The following NTPCR variants were observed in gnomAD, a reference collection of about 807,000 sequenced individuals.
NTPCR encodes the protein cancer-related nucleoside-triphosphatase.
A neutral mutation model predicts 19.5 loss-of-function variants in NTPCR; 15 were observed. The ratio of observed to expected loss-of-function variants is 0.77; its 90% CI spans 0.51 to 1.18. NTPCR has a LOEUF of 1.18. Among genes scored for constraint, NTPCR ranks in the 50% most tolerant of loss-of-function variants. The pLI is 0.00. For missense variants in NTPCR, 206 were observed against 240.4 expected, an observed-to-expected ratio of 0.86 and a Z score of 0.95; for synonymous variants, 90 against 95.8, an observed-to-expected ratio of 0.94 and a Z score of 0.36.
At chr1:232,963,262 A>T (rs913581828) in intron 3 of NTPCR, 2 of 152,152 alleles carry the variant, frequency 1.3e-5, no homozygotes, top group African/African-American at 4.8e-5. Context: ...CATGAGGTTG[A>T]CTCTGCAGTT....
At chr1:232,975,083 T>C (rs1480980788) in intron 4 of NTPCR, among the ~76,000 whole-genome samples, 1 of 152,230 alleles carries the variant, frequency 6.6e-6, no homozygotes. Context: ...ACATTGAAAA[T>C]GTTATCAACA....
At chr1:232,968,189 A>G (rs1668875011) in intron 3 of NTPCR, 1 of 152,148 alleles carries the variant, frequency 6.6e-6, no homozygotes, top group Admixed American at 6.5e-5. Context: ...GTGTACAGAT[A>G]AACTTAATAG....
chr1:232,954,069 C>T (rs1002786255), intron 1 of NTPCR, among the ~76,000 whole-genome samples: 12 of 152,182 alleles, frequency 7.9e-5, no homozygotes, highest in Admixed American at 5.2e-4. Flanking sequence ...CTGTGGCAGG[C>T]GCATTGAAAT....
chr1:232,950,791 GC>G, intron 1 of NTPCR, 47 bp downstream of exon 1: 1 of 1,396,588 alleles, frequency 7.2e-7, no homozygotes, highest in Non-Finnish European at 9.8e-7. Context: ...GGGGGTGGGG[GC>G]GCGCGGGCTG....
At position 232,976,451 on chromosome 1, in the gene NTPCR, C is replaced by CA. The variant is rs535765462; in HGVS notation, c.505-1711dup. 4.7e-4 allele frequency: 733 copies of CA among 1,550,612 alleles called. 1 individual carries two copies. The African/African-American group carries it at 8.8e-3, about 19-fold the overall frequency. On this transcript the variant is annotated intron_variant, in intron 4 of 4. Transcript: ENST00000366628. The stretch of plus-strand genomic sequence containing the variant: ...AAGCTACTGCAATCACTGCTGAACT[C>CA]AGAGTGGAAGAAAAGGGCCCCTGTG...
chr1:232,950,637 T>G lies in NTPCR; in HGVS notation c.-74T>G. On this transcript the variant is annotated 5_prime_UTR_variant, in exon 1 of 5. Coordinates refer to ENST00000366628, the MANE Select transcript of NTPCR (RefSeq NM_032324.3). ...GGCGGGTCCTGAGTCGCGACCCTGG[T>G]CCGGACCTGACCTGAATTGCGACCC... is the stretch of plus-strand genomic sequence containing the variant. 1 of 1,264,844 alleles carries G rather than the reference T, an allele frequency of 7.9e-7. No homozygotes were observed. Among genetic ancestry groups the G allele is most frequent in the Non-Finnish European group, 1.2e-6 (1 of 869,306 alleles). The allele number at this position is 1,264,844 out of a possible 1,614,324, so 78.4% of individuals were successfully genotyped here. A position where few individuals can be genotyped will look rare whatever the true frequency, so the allele number is the denominator to read the frequency against.
At chr1:232,969,848 C>A in intron 3 of NTPCR, 61 bp from the exon 4 acceptor site, 2 of 1,362,188 alleles carry the variant, frequency 1.5e-6, no homozygotes, top group Non-Finnish European at 2.1e-6. Context: ...GGGAGTGGGA[C>A]CCATGGGCCC....
Position 232,970,023 on chromosome 1 carries a change from G to C in NTPCR, c.409G>C (p.Gly137Arg). Residue 137 changes from glycine to arginine, a missense_variant, in exon 4 of 5, where the codon GGG becomes CGG. Gly to Arg is a moderately radical substitution (Grantham distance 125). Coordinates refer to ENST00000366628, the MANE Select transcript of NTPCR (RefSeq NM_032324.3). ...QAVRQTLSTP[G>R]TIILGTIPVP... Reference sequence around the variant, plus strand: ...TGTTCGTCAGACGCTGTCTACCCCAGGGACTATAATCCTTGGCACAATCCC... The same window carrying C: ...TGTTCGTCAGACGCTGTCTACCCCACGGACTATAATCCTTGGCACAATCCC... 6.2e-7 allele frequency: 1 copy of C among 1,613,926 alleles called. No homozygotes were observed. The highest frequency in any genetic ancestry group is 1.1e-5 in the South Asian group (1 of 91,082).
At chr1:232,963,812 C>T (rs927644491) in intron 3 of NTPCR, 28 of 147,458 alleles carry the variant, frequency 1.9e-4, no homozygotes, top group African/African-American at 7.0e-4. Context: ...TTATCATTTG[C>T]CTTGTTTGCT....
Position 232,979,915 on chromosome 1 carries a change from G to A in NTPCR, c.*1684G>A, listed in dbSNP as rs1454694996. 1.3e-5 allele frequency: 2 copies of A among 152,334 alleles called. No homozygotes were observed. The highest frequency in any genetic ancestry group is 2.9e-5 in the Non-Finnish European group (2 of 68,128). The allele number at this position is 152,334 out of a possible 1,614,324, so 9.4% of individuals were successfully genotyped here. On this transcript the variant is annotated 3_prime_UTR_variant, in exon 5 of 5. Coordinates refer to ENST00000366628, the MANE Select transcript of NTPCR (RefSeq NM_032324.3). The surrounding 1 kb of genome is among the most constrained non-coding windows in gnomAD (Gnocchi z 5.3). ...TCATCAATGTGCACCCAGGCGTGGT[G>A]GAGCTGGTCAGCCCCAGCTGGAGTG...
At chr1:232,957,614 T>C (rs1668549551) in intron 3 of NTPCR, among the ~76,000 whole-genome samples, 1 of 152,242 alleles carries the variant, frequency 6.6e-6, no homozygotes, top group Admixed American at 6.5e-5. Context: ...GATGATCTTT[T>C]CAAAGAACCA....
At position 232,957,448 on chromosome 1, in the gene NTPCR, A is replaced by T. The variant is rs959441312; in HGVS notation, c.294+1005A>T. Among the ~76,000 whole-genome samples, 11 of 152,234 alleles carry T rather than the reference A, an allele frequency of 7.2e-5. No homozygotes were observed. The East Asian group carries it at 2.1e-3, about 29-fold the overall frequency. ...TACCTTTTAGTAATTTGTCCATTTC[A>T]TCTGAAGTATCTAAGTTATTGGCAT... is the stretch of plus-strand genomic sequence containing the variant. On this transcript the variant is annotated intron_variant, in intron 3 of 4. Transcript: ENST00000366628.
In NTPCR at chr1:232,978,182, A is replaced by G; in HGVS notation, c.524A>G (p.Asn175Ser). Residue 175 changes from asparagine to serine, a missense_variant, in exon 5 of 5, where the codon AAC becomes AGC. Coordinates refer to ENST00000366628, the MANE Select transcript of NTPCR (RefSeq NM_032324.3). Reference protein sequence around the residue: ...KVFNVTKENRNHLLPDIVTCV... With the variant: ...KVFNVTKENRSHLLPDIVTCV... Reference sequence around the variant, plus strand: ...CCACAGGTCACCAAGGAAAACAGAAACCACCTTCTGCCAGATATCGTGACG... The same window carrying G: ...CCACAGGTCACCAAGGAAAACAGAAGCCACCTTCTGCCAGATATCGTGACG... 2 of 1,614,152 alleles carry G rather than the reference A, an allele frequency of 1.2e-6. No homozygotes were observed. Among genetic ancestry groups the G allele is most frequent in the Non-Finnish European group, 1.7e-6 (2 of 1,179,984 alleles).
chr1:232,958,008 T>G (rs1668560548), intron 3 of NTPCR, among the ~76,000 whole-genome samples: 1 of 152,064 alleles, frequency 6.6e-6, no homozygotes, highest in Non-Finnish European at 1.5e-5. Context: ...ACAGATACAT[T>G]CAGACCTCAG....
intron 3 of NTPCR, among the ~76,000 whole-genome samples, chr1:232,958,328 A>G (rs1422089236): frequency 6.6e-6 from 1 of 152,202 alleles, no homozygotes; most frequent in Non-Finnish European, 1.5e-5. Flanking sequence ...ACACTGGTTC[A>G]ATCAGACTTC....
At chr1:232,970,465 A>G (rs910274879) in intron 4 of NTPCR, among the ~76,000 whole-genome samples, 3 of 152,096 alleles carry the variant, frequency 2.0e-5, no homozygotes, top group Non-Finnish European at 4.4e-5. Flanking sequence ...CCAGGTTGGG[A>G]TACAGAGGCA....
chr1:232,956,447 A>C lies in NTPCR; in HGVS notation c.294+4A>C. 6.3e-7 allele frequency: 1 copy of C among 1,598,010 alleles called. No homozygotes were observed. On this transcript the variant is annotated splice_donor_region_variant and intron_variant, in intron 3 of 4. Transcript: ENST00000366628. ...GGCACTACCCGTCTTGAGGAATGTG[A>C]GTACGTGATTTCTGCTTTTTGAACC...
chr1:232,982,541 T>C lies in NTPCR; in HGVS notation c.*4310T>C, dbSNP rs1669310173. ...GAACTGTGATAAGCAATGAACAGAATAACTGTTGAAGAAGCACCTCATGAA... is the reference window on the plus strand; with the variant it reads ...GAACTGTGATAAGCAATGAACAGAACAACTGTTGAAGAAGCACCTCATGAA... On this transcript the variant is annotated 3_prime_UTR_variant, in exon 5 of 5. Transcript: ENST00000366628. 3 of 152,238 alleles carry C rather than the reference T, an allele frequency of 2.0e-5. No homozygotes were observed. The South Asian group carries it at 6.2e-4, about 32-fold the overall frequency. The allele number at this position is 152,238 out of a possible 1,614,324, so 9.4% of individuals were successfully genotyped here. A position where few individuals can be genotyped will look rare whatever the true frequency, so the allele number is the denominator to read the frequency against.
At chr1:232,953,321 C>T (rs912709958) in intron 1 of NTPCR, among the ~76,000 whole-genome samples, 13 of 152,132 alleles carry the variant, frequency 8.5e-5, no homozygotes, top group Admixed American at 7.2e-4. Flanking sequence ...GCTATCATCT[C>T]GAGGTCTCCT....
Sources: gnomAD v4.1 joint callset for allele counts (sites outside exome capture counted in the v4.1 genomes callset) on GRCh38, gnomAD v4.1.1 for gene constraint, Gnocchi (gnomAD v3.1) non-coding constraint, MANE v1.5 for transcripts, NCBI Gene and HGNC (gene_info 2026-07-23, HGNC 2026-07-21) for gene names.